STARD7: variants seen among roughly 807,000 people sequenced by gnomAD.
The protein encoded by STARD7 is stAR-related lipid transfer protein 7, mitochondrial.
In STARD7, 30 loss-of-function variants were observed where a neutral mutation model predicts 45.3. The observed-to-expected ratio is 0.66, with a 90% CI of 0.50 to 0.90. STARD7 has a LOEUF of 0.90. STARD7 is among the 40% of genes least tolerant of loss of function. The pLI is 0.00. For missense variants in STARD7, 495 were observed against 491.3 expected, an observed-to-expected ratio of 1.01 and a Z score of -0.07; for synonymous variants, 199 against 183.0, an observed-to-expected ratio of 1.09 and a Z score of -0.70.
intron 5 of STARD7, 90 bp downstream of exon 5, chr2:96,192,988 T>C (rs965629392): frequency 9.7e-5 from 89 of 917,390 alleles, no homozygotes; most frequent in Admixed American, 2.4e-4. Context: ...GGGAGACTCA[T>C]AGGACACTAA....
At chr2:96,194,832 G>A (rs1182852694) in intron 3 of STARD7, 126 bp downstream of exon 3, 2 of 749,462 alleles carry the variant, frequency 2.7e-6, no homozygotes, top group Admixed American at 2.6e-5. Context: ...GCTATGCAAT[G>A]TGGATGACAG....
chr2:96,194,345 C>A (rs1343135481), intron 3 of STARD7, among the ~76,000 whole-genome samples: 1 of 151,746 alleles, frequency 6.6e-6, no homozygotes, highest in Non-Finnish European at 1.5e-5. Flanking sequence ...ACAGCAGGAC[C>A]CTGTCTCAGG....
In STARD7 at chr2:96,193,369, G is replaced by A. The variant is rs757748136; in HGVS notation, c.550-17C>T. On this transcript the variant is annotated splice_polypyrimidine_tract_variant and intron_variant, in intron 3 of 7. Coordinates refer to ENST00000337288, the MANE Select transcript of STARD7 (RefSeq NM_020151.4). ...TGTGTCCAGCTGCAGAAAGAGAAAA[G>A]ACCATGAATACCCAAGAAGACCCAA... The A allele has an allele frequency of 8.4e-6, 13 of 1,543,854 alleles. No individual in the cohort carries two copies. Among genetic ancestry groups the A allele is most frequent in the Non-Finnish European group, 1.2e-5 (13 of 1,116,404 alleles).
rs530188803 is a variant in STARD7, at chr2:96,197,162, T to C, written c.291-1613A>G. 1.3e-3 allele frequency among the ~76,000 whole-genome samples: 199 copies of C among 150,702 alleles called. 4 individuals carry two copies. Among genetic ancestry groups the C allele is most frequent in the African/African-American group, 4.6e-3 (192 of 41,372 alleles). On this transcript the variant is annotated intron_variant, in intron 1 of 7. Transcript: ENST00000337288. ...GGCTCACGCCTGTAATCCCAGACTT[T>C]GGGAGGCCGAGGTGGGCGGATCACC...
chr2:96,195,224 A>G (rs1683183299), intron 2 of STARD7, 117 bp downstream of exon 2: 2 of 1,025,248 alleles, frequency 2.0e-6, no homozygotes, highest in Non-Finnish European at 2.8e-6. Context: ...ACAATAAACA[A>G]AAAACTACGG....
rs1683025950 is a variant in STARD7, at chr2:96,185,769, G to A, written c.*961C>T. On this transcript the variant is annotated 3_prime_UTR_variant, in exon 8 of 8. Coordinates refer to ENST00000337288, the MANE Select transcript of STARD7 (RefSeq NM_020151.4). ...AAAGAACAAGTCAAACCTGAAATAT[G>A]AAAAATAATACCTGAATCAAAATGG... 6.6e-6 allele frequency: 1 copy of A among 152,158 alleles called. No individual in the cohort carries two copies. Among genetic ancestry groups the A allele is most frequent in the Non-Finnish European group, 1.5e-5 (1 of 68,042 alleles). The allele number at this position is 152,158 out of a possible 1,614,324, so 9.4% of individuals were successfully genotyped here.
chr2:96,208,050 A>C (rs1285347815), intron 1 of STARD7, 95 bp downstream of exon 1: 1 of 1,232,522 alleles, frequency 8.1e-7, no homozygotes, highest in Non-Finnish European at 1.1e-6. Flanking sequence ...TTAAAAGACC[A>C]CCGGGTAAAC....
Position 96,186,217 on chromosome 2 carries a change from G to T in STARD7, c.*513C>A, listed in dbSNP as rs1041313489. Reference sequence around the variant, plus strand: ...GTCTCTAGAGATAAAAGCAAGGTGCGGACAAGGCACTTAACATAGCCAAGT... The same window carrying T: ...GTCTCTAGAGATAAAAGCAAGGTGCTGACAAGGCACTTAACATAGCCAAGT... On this transcript the variant is annotated 3_prime_UTR_variant, in exon 8 of 8. Coordinates refer to ENST00000337288, the MANE Select transcript of STARD7 (RefSeq NM_020151.4). 1 of 152,356 alleles carries T rather than the reference G, an allele frequency of 6.6e-6. No homozygotes were observed. The allele number at this position is 152,356 out of a possible 1,614,324, so 9.4% of individuals were successfully genotyped here. A position where few individuals can be genotyped will look rare whatever the true frequency, so the allele number is the denominator to read the frequency against.
intron 1 of STARD7, among the ~76,000 whole-genome samples, chr2:96,205,604 G>C (rs1241739809): frequency 2.0e-5 from 3 of 152,144 alleles, no homozygotes; most frequent in Non-Finnish European, 2.9e-5. Context: ...CATCTCACTA[G>C]AACAAACGAA....
intron 6 of STARD7, among the ~76,000 whole-genome samples, chr2:96,190,732 C>T (rs1424869359): frequency 1.3e-5 from 2 of 152,090 alleles, no homozygotes; most frequent in African/African-American, 2.4e-5. Context: ...GCCTTGACCT[C>T]CTGGACTCAA....
chr2:96,187,040 C>T, intron 7 of STARD7, 126 bp from the exon 8 acceptor site: 2 of 988,788 alleles, frequency 2.0e-6, no homozygotes, highest in Non-Finnish European at 3.0e-6. Context: ...CCTGACTAGC[C>T]TGTGAATAAG....
chr2:96,201,521 G>A (rs1006623505), intron 1 of STARD7, among the ~76,000 whole-genome samples: 3 of 151,830 alleles, frequency 2.0e-5, no homozygotes, highest in South Asian at 4.2e-4. Flanking sequence ...CCTGGAGGTC[G>A]GGACTGTAGC....
In STARD7 at chr2:96,186,860, A is replaced by G; in HGVS notation, c.983T>C (p.Met328Thr). The G allele has an allele frequency of 3.1e-6, 5 of 1,613,914 alleles. No individual in the cohort carries two copies. The highest frequency in any genetic ancestry group is 3.4e-6 in the Non-Finnish European group (4 of 1,179,828). Residue 328 changes from methionine to threonine, a missense_variant, in exon 8 of 8, where the codon ATG (methionine) becomes ACG (threonine). By Grantham distance (81) the Met-to-Thr change is moderately conservative. Transcript: ENST00000337288. ...LHMATLKAKN[M>T]EIKVKDYISA... ...GATGTAGTCCTTTACTTTAATCTCC[A>G]TATTCTTGGCTTTCAGAGTGGCCAT...
At chr2:96,203,968 C>T (rs867820292) in intron 1 of STARD7, among the ~76,000 whole-genome samples, 1 of 149,192 alleles carries the variant, frequency 6.7e-6, no homozygotes, top group Non-Finnish European at 1.5e-5. Flanking sequence ...TCCATACCCC[C>T]CAAAAAAAGA....
chr2:96,196,156 AG>A (rs1246690320), intron 1 of STARD7, among the ~76,000 whole-genome samples: 2 of 151,924 alleles, frequency 1.3e-5, no homozygotes, highest in Admixed American at 1.3e-4. Context: ...ACGAAAAAAA[AG>A]TAAGTGTCAA....
chr2:96,200,895 G>A (rs1370926285), intron 1 of STARD7, among the ~76,000 whole-genome samples: 1 of 152,082 alleles, frequency 6.6e-6, no homozygotes, highest in African/African-American at 2.4e-5. Flanking sequence ...TTGCTGGCTG[G>A]CTGTCTTATA....
At position 96,187,281 on chromosome 2, in the gene STARD7, T is replaced by C. The variant is rs771190690; in HGVS notation, c.864A>G (p.Leu288=). 13 of 1,613,554 alleles carry C rather than the reference T, an allele frequency of 8.1e-6. No individual in the cohort carries two copies. The Admixed American group carries it at 1.8e-4, about 23-fold the overall frequency. The change falls in exon 7 of 8, where the codon CTA becomes CTG. Residue 288 remains leucine, a synonymous_variant. Coordinates refer to ENST00000337288, the MANE Select transcript of STARD7 (RefSeq NM_020151.4). The stretch of plus-strand genomic sequence containing the variant: ...CCGTTTGGGGATTGTCACTGTATGT[T>C]AGTAAGTAGTCAAAGCCATTCTGGA... ...SFDENGFDYL[L]TYSDNPQTVF...
chr2:96,201,409 T>TA lies in STARD7; in HGVS notation c.291-5861dup, dbSNP rs60808208. ...TGGGCAACATGCAAAACTCCACCTC[T>TA]AAAAAAAAAAAAAAAAAATTACACA... On this transcript the variant is annotated intron_variant, in intron 1 of 7. Transcript: ENST00000337288. 2.8e-3 allele frequency among the ~76,000 whole-genome samples: 304 copies of TA among 109,574 alleles called. 2 individuals are homozygous for TA. The highest frequency in any genetic ancestry group is 5.6e-3 in the East Asian group (18 of 3,210). The allele number at this position is 109,574 out of a possible 152,430, so 71.9% of individuals were successfully genotyped here.
chr2:96,204,321 G>A (rs757883618), intron 1 of STARD7, among the ~76,000 whole-genome samples: 5 of 151,548 alleles, frequency 3.3e-5, no homozygotes, highest in African/African-American at 7.3e-5. Context: ...TTGGGAGGCC[G>A]AGACAGGCGG....
Sources: gnomAD v4.1 joint callset for allele counts (sites outside exome capture counted in the v4.1 genomes callset) on GRCh38, gnomAD v4.1.1 for gene constraint, MANE v1.5 for transcripts, NCBI Gene and HGNC (gene_info 2026-07-23, HGNC 2026-07-21) for gene names.